The following MPPED1 variants were observed in gnomAD, a reference collection of about 807,000 sequenced individuals.
MPPED1 encodes metallophosphoesterase domain containing 1, also known as metallophosphoesterase domain-containing protein 1.
MPPED1 carries 16 observed loss-of-function variants against 36.2 expected under a neutral mutation model. The observed-to-expected ratio is 0.44, with a 90% confidence interval of 0.30 to 0.67. MPPED1 has a LOEUF of 0.67. Ranked by LOEUF, MPPED1 falls within the 30% of genes least tolerant of loss-of-function variation. MPPED1 has a pLI of 0.10. For synonymous variants in MPPED1, 199 were observed against 191.3 expected (o/e 1.04, Z -0.33); for missense variants, 307 against 453.4 (o/e 0.68, Z 2.93).
In MPPED1 at chr22:43,470,282, T is replaced by C. The variant is rs910385336; in HGVS notation, c.407-4454T>C. 3.3e-5 allele frequency among the ~76,000 whole-genome samples: 5 copies of C among 149,466 alleles called. 1 individual carries two copies. The highest frequency in any genetic ancestry group is 1.3e-4 in the African/African-American group (5 of 39,612). ...ATTCATCCATCTATTCATCTATCTA[T>C]AAACCATCCATTCATCCATCCATTC... is the stretch of plus-strand genomic sequence containing the variant. On this transcript the variant is annotated intron_variant, in intron 3 of 6. Coordinates refer to ENST00000443721, the MANE Select transcript of MPPED1 (RefSeq NM_001044370.2).
rs556938121 is a variant in MPPED1 at position 43,498,928 on chromosome 22, A to G, written c.748+578A>G. 7.9e-5 allele frequency among the ~76,000 whole-genome samples: 12 copies of G among 151,716 alleles called. No homozygotes were observed. The South Asian group carries it at 2.1e-3, about 26-fold the overall frequency. On this transcript the variant is annotated intron_variant, in intron 5 of 6. Transcript: ENST00000443721. ...TCATTCCCACAGCCTGGCCATCACC[A>G]CATCCCTCCCATTCCACCTCCAAAC... is the stretch of plus-strand genomic sequence containing the variant.
At chr22:43,416,631 G>A (rs1929083450) in intron 1 of MPPED1, 1 of 152,154 alleles carries the variant, frequency 6.6e-6, no homozygotes, top group Non-Finnish European at 1.5e-5. Context: ...ATATGTCTGT[G>A]TGCATGTTTG....
chr22:43,487,210 A>G (rs903582756), intron 4 of MPPED1, among the ~76,000 whole-genome samples: 3 of 152,278 alleles, frequency 2.0e-5, no homozygotes, highest in Admixed American at 1.3e-4. Context: ...GAGGCAGGTG[A>G]TCAAGAGAAA....
chr22:43,500,464 TGGTGGAGGC>T (rs1932700265), intron 5 of MPPED1, among the ~76,000 whole-genome samples: 1 of 145,338 alleles, frequency 6.9e-6, no homozygotes, highest in African/African-American at 2.5e-5. Context: ...GTGGTGGAGG[TGGTGGAGGC>T]GAAGGTCTTG....
intron 4 of MPPED1, among the ~76,000 whole-genome samples, chr22:43,477,399 G>A (rs1468542696): frequency 1.3e-5 from 2 of 152,212 alleles, no homozygotes; most frequent in Non-Finnish European, 2.9e-5. Context: ...GTTTCCAACC[G>A]GGGTGAGCAG....
At chr22:43,418,029 T>A in intron 1 of MPPED1, 4 of 456,112 alleles carry the variant, frequency 8.8e-6, no homozygotes, top group Non-Finnish European at 1.8e-5. Context: ...TTGACTGTCA[T>A]CCGAGTTTTG....
intron 3 of MPPED1, among the ~76,000 whole-genome samples, chr22:43,446,718 C>T (rs1930360546): frequency 1.3e-5 from 2 of 152,210 alleles, no homozygotes; most frequent in African/African-American, 2.4e-5. Flanking sequence ...GAAGTATGAG[C>T]ACAGGCCTTC....
At chr22:43,468,268 C>G (rs1375372934) in intron 3 of MPPED1, among the ~76,000 whole-genome samples, 1 of 152,220 alleles carries the variant, frequency 6.6e-6, no homozygotes, top group Non-Finnish European at 1.5e-5. Context: ...ATGGAGAATA[C>G]AAATGTGTAG....
chr22:43,426,643 G>T (rs2146821894), intron 2 of MPPED1, among the ~76,000 whole-genome samples: 1 of 152,312 alleles, frequency 6.6e-6, no homozygotes, highest in Non-Finnish European at 1.5e-5. Flanking sequence ...CCGTCCCTGT[G>T]TGGCCTCCCT....
At position 43,479,843 on chromosome 22, in the gene MPPED1, G is replaced by T. The variant is rs561329866; in HGVS notation, c.632+4882G>T. The stretch of plus-strand genomic sequence containing the variant: ...TTCTGTTACCACTAAGAGATACTCT[G>T]CTTGGGAGAATGGTAGGTCAGATTT... On this transcript the variant is annotated intron_variant, in intron 4 of 6. Coordinates refer to ENST00000443721, the MANE Select transcript of MPPED1 (RefSeq NM_001044370.2). Among the ~76,000 whole-genome samples, 3 of 152,300 alleles carry T rather than the reference G, an allele frequency of 2.0e-5. No homozygotes were observed. The East Asian group carries it at 5.8e-4, about 29-fold the overall frequency.
intron 3 of MPPED1, among the ~76,000 whole-genome samples, chr22:43,464,711 C>T (rs1931100902): frequency 6.6e-6 from 1 of 152,122 alleles, no homozygotes; most frequent in South Asian, 2.1e-4. Flanking sequence ...CTTGAGACCC[C>T]CTGGGACTCT....
intron 2 of MPPED1, among the ~76,000 whole-genome samples, chr22:43,428,761 G>T (rs575612300): frequency 6.6e-6 from 1 of 151,970 alleles, no homozygotes; most frequent in Non-Finnish European, 1.5e-5. Flanking sequence ...ATGAATCTCC[G>T]GAGCTGGGCC....
intron 4 of MPPED1, among the ~76,000 whole-genome samples, chr22:43,488,251 CCCCAAGGCCCCAG>C (rs1387007445): frequency 2.0e-5 from 3 of 151,652 alleles, no homozygotes; most frequent in African/African-American, 7.2e-5. Flanking sequence ...TCCCAGGGCC[CCCCAAGGCCCCAG>C]CACTCCAGGA....
chr22:43,465,434 T>A (rs1931131683), intron 3 of MPPED1, among the ~76,000 whole-genome samples: 1 of 152,224 alleles, frequency 6.6e-6, no homozygotes, highest in African/African-American at 2.4e-5. Context: ...TGCCATGGGT[T>A]GTAAGGGACG....
chr22:43,412,668 C>CCCATCCATCCATCCATCCAT lies in MPPED1; in HGVS notation c.-79+526_-79+545dup, dbSNP rs59354174. Among the ~76,000 whole-genome samples, 617 of 149,270 alleles carry CCCATCCATCCATCCATCCAT rather than the reference C, an allele frequency of 4.1e-3. 1 individual carries two copies. Among genetic ancestry groups the CCCATCCATCCATCCATCCAT allele is most frequent in the Middle Eastern group, 6.8e-3 (2 of 292 alleles). On this transcript the variant is annotated intron_variant, in intron 1 of 6. Transcript: ENST00000443721. ...TCCTTCCATCCATTCATCCCTCCCT[C>CCCATCCATCCATCCATCCAT]CCATCCATCCATCCATCCATCCATC...
intron 4 of MPPED1, among the ~76,000 whole-genome samples, chr22:43,497,041 G>C (rs867814438): frequency 6.8e-6 from 1 of 146,466 alleles, no homozygotes; most frequent in African/African-American, 2.6e-5. Context: ...TGGTGGTGGA[G>C]GTAGTGGTGG....
intron 4 of MPPED1, among the ~76,000 whole-genome samples, chr22:43,496,450 AGTGGTGGTGGAGATGG>A (rs1932366250): frequency 3.0e-4 from 1 of 3,368 alleles, no homozygotes; most frequent in Admixed American, 2.7e-3. Flanking sequence ...TGGTGGAGGT[AGTGGTGGTGGAGATGG>A]TGGTGGTGGT....
chr22:43,424,978 G>T lies in MPPED1; in HGVS notation c.-8G>T. On this transcript the variant is annotated 5_prime_UTR_variant, in exon 2 of 7. Coordinates refer to ENST00000443721, the MANE Select transcript of MPPED1 (RefSeq NM_001044370.2). ...GGTGGGAGATGCCGGGGCGGCCGGC[G>T]GAGGTCCATGTGGCGCTCTAGGTGG... The T allele has an allele frequency of 6.3e-7, 1 of 1,579,620 alleles. No homozygotes were observed. Among genetic ancestry groups the T allele is most frequent in the Non-Finnish European group, 8.6e-7 (1 of 1,164,358 alleles).
intron 4 of MPPED1, among the ~76,000 whole-genome samples, chr22:43,493,855 G>T (rs1367948174): frequency 1.3e-5 from 2 of 152,200 alleles, no homozygotes; most frequent in African/African-American, 4.8e-5. Flanking sequence ...GCGGGGAGGT[G>T]ATGTGGGGAT....
Sources: allele counts gnomAD v4.1 joint callset (sites outside exome capture counted in the v4.1 genomes callset), GRCh38; gene constraint gnomAD v4.1.1; transcripts MANE v1.5; gene names NCBI Gene and HGNC (gene_info 2026-07-23, HGNC 2026-07-21).